TENM1: variants seen among roughly 807,000 people sequenced by gnomAD.
The protein encoded by TENM1 is teneurin-1.
A neutral mutation model predicts 174.8 loss-of-function variants in TENM1; 35 were observed. That is an observed-to-expected ratio of 0.20 (90% confidence interval 0.15 to 0.27). The LOEUF (loss-of-function observed/expected upper bound fraction) is 0.27, where lower values mean the gene tolerates loss of function less well. Among genes scored for constraint, TENM1 ranks in the 10% least tolerant of loss-of-function variants. TENM1 has a pLI of 1.00. For synonymous variants in TENM1, 781 were observed against 798.7 expected, an observed-to-expected ratio of 0.98 and a Z score of 0.37; for missense variants, 1,633 against 2,130.1, an observed-to-expected ratio of 0.77 and a Z score of 4.59.
At chrX:124,816,595 G>C (rs2055900722) in intron 3 of TENM1, among the ~76,000 whole-genome samples, 1 of 111,271 alleles carries the variant, frequency 9.0e-6, no homozygotes, top group Non-Finnish European at 1.9e-5. Flanking sequence ...ACAGAACAAG[G>C]AGATGCAGCC....
intron 1 of TENM1, among the ~76,000 whole-genome samples, chrX:124,917,528 C>T (rs1219111859): frequency 1.8e-5 from 2 of 111,601 alleles, no homozygotes; most frequent in African/African-American, 6.5e-5. Context: ...GGATTTTAAA[C>T]TGTCCTTCAC....
At chrX:124,929,023 G>A (rs1208953186) in intron 1 of TENM1, among the ~76,000 whole-genome samples, 1 of 111,937 alleles carries the variant, frequency 8.9e-6, no homozygotes, top group Non-Finnish European at 1.9e-5. Flanking sequence ...ATAAATACCA[G>A]GGTGTTTTTG....
At chrX:124,389,869 C>G (rs1202658606) in intron 28 of TENM1, among the ~76,000 whole-genome samples, 1 of 112,217 alleles carries the variant, frequency 8.9e-6, no homozygotes, top group Non-Finnish European at 1.9e-5. Context: ...ATTATGCGTT[C>G]TGTAGGTTCT....
chrX:124,891,475 G>A (rs1569475504), intron 3 of TENM1, among the ~76,000 whole-genome samples: 1 of 109,951 alleles, frequency 9.1e-6, no homozygotes, highest in Admixed American at 9.7e-5. Flanking sequence ...CCTGGCCAAC[G>A]TGGTGAAACC....
chrX:124,406,919 A>G (rs2060469730), intron 25 of TENM1, among the ~76,000 whole-genome samples: 1 of 111,599 alleles, frequency 9.0e-6, no homozygotes, highest in African/African-American at 3.3e-5. Flanking sequence ...AGAAGCCAAT[A>G]TACTGACTTT....
At chrX:124,507,746 C>T (rs1323146110) in intron 18 of TENM1, among the ~76,000 whole-genome samples, 1 of 111,488 alleles carries the variant, frequency 9.0e-6, no homozygotes, top group South Asian at 3.8e-4. Flanking sequence ...ATTAAGTAGC[C>T]AAGGTAAAGG....
chrX:125,148,209 T>C, the TENM1 span, among the ~76,000 whole-genome samples: 3 of 110,611 alleles, frequency 2.7e-5, no homozygotes, highest in Non-Finnish European at 3.8e-5. Context: ...ATATACATAC[T>C]CCTTTCTCCT....
chrX:124,647,936 C>T (rs899582643), intron 8 of TENM1, among the ~76,000 whole-genome samples: 1 of 111,885 alleles, frequency 8.9e-6, no homozygotes, highest in African/African-American at 3.2e-5. Context: ...TAAGCTATTT[C>T]TGATTAGAAG....
At chrX:125,137,989 C>A in the TENM1 span, among the ~76,000 whole-genome samples, 2 of 111,498 alleles carry the variant, frequency 1.8e-5, no homozygotes, top group African/African-American at 6.5e-5. Context: ...CCTGTCCTTG[C>A]CAATTTTAAA....
At position 124,798,538 on chromosome X, in the gene TENM1, G is replaced by GT. The variant is rs754033339; in HGVS notation, c.536-61342dup. Among the ~76,000 whole-genome samples, 4 of 110,723 alleles carry GT rather than the reference G, an allele frequency of 3.6e-5. No individual in the cohort carries two copies. In the South Asian group the frequency reaches 1.1e-3, roughly 32 times the overall value. On this transcript the variant is annotated intron_variant, in intron 3 of 31. Transcript: ENST00000422452. ...CCTTCACCCTCTTTTTGATGGGGTT[G>GT]TTTTTTTTCTTATAAATTTCTTTAT...
At chrX:124,887,659 C>T (rs1041001177) in intron 3 of TENM1, among the ~76,000 whole-genome samples, 19 of 111,286 alleles carry the variant, frequency 1.7e-4, no homozygotes, top group African/African-American at 6.2e-4. Flanking sequence ...TTGAATATCA[C>T]AGTCACCACA....
chrX:125,187,238 C>T, the TENM1 span, among the ~76,000 whole-genome samples: 67 of 111,958 alleles, frequency 6.0e-4, no homozygotes, highest in Admixed American at 9.4e-4. Flanking sequence ...CCAGCCTGGG[C>T]GACGGGGCAA....
At chrX:124,525,480 C>T (rs1054812494) in intron 16 of TENM1, among the ~76,000 whole-genome samples, 4 of 111,798 alleles carry the variant, frequency 3.6e-5, no homozygotes, top group Non-Finnish European at 5.6e-5. Context: ...ATCTGCCTCA[C>T]CCAAACCTTG....
intron 22 of TENM1, among the ~76,000 whole-genome samples, chrX:124,472,524 A>C (rs2061347407): frequency 9.1e-6 from 1 of 109,292 alleles, no homozygotes. Context: ...AAATGGAATC[A>C]ATTGTTCAAT....
At chrX:124,506,968 C>A (rs754178531) in intron 18 of TENM1, among the ~76,000 whole-genome samples, 1 of 111,731 alleles carries the variant, frequency 9.0e-6, no homozygotes. Context: ...ACAGCTGAGC[C>A]TCAGCTAAAT....
intron 2 of TENM1, 92 bp from the exon 6 acceptor site, chrX:124,894,444 A>T: frequency 1.7e-6 from 1 of 597,540 alleles, no homozygotes; most frequent in South Asian, 3.1e-5. Flanking sequence ...AGTGGTGCTT[A>T]AAAAAAACCC....
chrX:124,745,581 T>G (rs766225208), intron 3 of TENM1, among the ~76,000 whole-genome samples: 1 of 111,348 alleles, frequency 9.0e-6, no homozygotes, highest in African/African-American at 3.3e-5. Flanking sequence ...TTGGATGTGC[T>G]TTCTTGGATG....
chrX:125,104,491 C>A, the TENM1 span, among the ~76,000 whole-genome samples: 1 of 111,627 alleles, frequency 9.0e-6, no homozygotes, highest in East Asian at 2.8e-4. Flanking sequence ...ATGTCCTTCA[C>A]AAACTTCTGG....
In TENM1 at chrX:124,956,186, C is replaced by T. The variant is rs189864999; in HGVS notation, c.217+7351G>A. Among the ~76,000 whole-genome samples, 413 of 111,859 alleles carry T rather than the reference C, an allele frequency of 3.7e-3. 3 individuals carry two copies. Among genetic ancestry groups the T allele is most frequent in the African/African-American group, 0.011 (342 of 30,804 alleles). On this transcript the variant is annotated intron_variant, in intron 1 of 31. Transcript: ENST00000422452. ...TTCTAGCTTCTAGACCCCCATGGTA[C>T]TTTACATATACCACTATTATCACAT...
Sources: allele counts gnomAD v4.1 joint callset (sites outside exome capture counted in the v4.1 genomes callset), GRCh38; gene constraint gnomAD v4.1.1; transcripts MANE v1.5; gene names NCBI Gene and HGNC (gene_info 2026-07-23, HGNC 2026-07-21).